Variants in ZSCAN25 observed in about 807,000 individuals in gnomAD.
ZSCAN25 encodes zinc finger and SCAN domain-containing protein 25.
ZSCAN25 carries 27 observed loss-of-function variants against 38.7 expected under a neutral mutation model. That is an observed-to-expected ratio of 0.70 (90% CI 0.51 to 0.96). The LOEUF (loss-of-function observed/expected upper bound fraction) is 0.96, where lower values mean the gene tolerates loss of function less well. Among genes scored for constraint, ZSCAN25 ranks in the 40% least tolerant of loss-of-function variants. The pLI is 0.00. For synonymous variants in ZSCAN25, 273 were observed against 277.7 expected, an observed-to-expected ratio of 0.98 and a Z score of 0.17; for missense variants, 637 against 705.9, an observed-to-expected ratio of 0.90 and a Z score of 1.11.
the ZSCAN25 span, chr7:99,659,814 C>G: frequency 6.6e-6 from 1 of 152,644 alleles, no homozygotes. Context: ...CCTTGCAGTT[C>G]GATCTCAGAC....
At position 99,617,011 on chromosome 7, in the gene ZSCAN25, C is replaced by G. The variant is rs1234040700; in HGVS notation, c.-264C>G. The stretch of plus-strand genomic sequence containing the variant: ...GCGGGTGAGAGGCCCTTCAGGGCCG[C>G]GGCGGGTGAGAGCCTCTTCAGGGCC... On this transcript the variant is annotated 5_prime_UTR_variant, in exon 1 of 8. Transcript: ENST00000394152. 6.6e-6 allele frequency: 1 copy of G among 152,248 alleles called. No homozygotes were observed. Among genetic ancestry groups the G allele is most frequent in the Non-Finnish European group, 1.5e-5 (1 of 68,076 alleles). 9.4% of individuals were successfully genotyped at this position (152,248 alleles called of 1,614,324 possible). A position where few individuals can be genotyped will look rare whatever the true frequency, so the allele number is the denominator to read the frequency against.
At chr7:99,627,846 A>G (rs1584364566) in intron 7 of ZSCAN25, among the ~76,000 whole-genome samples, 3 of 151,954 alleles carry the variant, frequency 2.0e-5, no homozygotes, top group East Asian at 3.9e-4. Flanking sequence ...CTGTATATGT[A>G]TAGTATATAT....
At chr7:99,727,724 C>T in the ZSCAN25 span, among the ~76,000 whole-genome samples, 1 of 152,210 alleles carries the variant, frequency 6.6e-6, no homozygotes, top group Non-Finnish European at 1.5e-5. Context: ...CTCTGCCCCC[C>T]TCCACTATCT....
chr7:99,699,782 G>T, the ZSCAN25 span, among the ~76,000 whole-genome samples: 1 of 152,152 alleles, frequency 6.6e-6, no homozygotes, highest in Non-Finnish European at 1.5e-5. Flanking sequence ...TGGGACAAAT[G>T]CTTATTTATT....
At position 99,631,522 on chromosome 7, in the gene ZSCAN25, C is replaced by G; in HGVS notation, c.*1502C>G. On this transcript the variant is annotated 3_prime_UTR_variant, in exon 8 of 8. Coordinates refer to ENST00000394152, the MANE Select transcript of ZSCAN25 (RefSeq NM_145115.3). ...ATTGTGCTGTGCCTTTGAACCCTGGCTGAGTGAGTGAGTTTGTCCTTTGTT... is the reference window on the plus strand; with the variant it reads ...ATTGTGCTGTGCCTTTGAACCCTGGGTGAGTGAGTGAGTTTGTCCTTTGTT... 1 of 985,484 alleles carries G rather than the reference C, an allele frequency of 1.0e-6. No homozygotes were observed. Among genetic ancestry groups the G allele is most frequent in the Non-Finnish European group, 1.2e-6 (1 of 829,942 alleles). 61.0% of individuals were successfully genotyped at this position (985,484 alleles called of 1,614,324 possible).
At chr7:99,660,519 C>G in the ZSCAN25 span, 1 of 1,612,966 alleles carries the variant, frequency 6.2e-7, no homozygotes, top group Non-Finnish European at 8.5e-7. Context: ...AAAACTGCAT[C>G]AATCTCCTTT....
the ZSCAN25 span, chr7:99,709,249 A>G: frequency 1.9e-6 from 3 of 1,613,706 alleles, no homozygotes; most frequent in African/African-American, 2.7e-5. Context: ...ACAGTATCAT[A>G]GGTGGGTGGT....
the ZSCAN25 span, chr7:99,717,672 A>T: frequency 2.5e-6 from 4 of 1,611,266 alleles, no homozygotes; most frequent in Non-Finnish European, 2.5e-6. Flanking sequence ...TTTGTCCTAC[A>T]TCAGTTGTGG....
the ZSCAN25 span, among the ~76,000 whole-genome samples, chr7:99,686,958 C>T: frequency 6.6e-6 from 1 of 152,356 alleles, no homozygotes; most frequent in South Asian, 2.1e-4. Flanking sequence ...AGACCTGCAG[C>T]TGAGGGTCCT....
the ZSCAN25 span, among the ~76,000 whole-genome samples, chr7:99,695,036 T>C: frequency 1.3e-5 from 2 of 152,062 alleles, no homozygotes; most frequent in Non-Finnish European, 2.9e-5. Flanking sequence ...GTTTGATAGA[T>C]AACCACTATC....
At chr7:99,662,786 C>A in the ZSCAN25 span, 1 of 1,598,406 alleles carries the variant, frequency 6.3e-7, no homozygotes, top group South Asian at 1.1e-5. The surrounding 1 kb of genome is among the most constrained non-coding windows in gnomAD (Gnocchi z 4.3). Context: ...GTGTCCCCGC[C>A]AGTAGCCCTC....
chr7:99,709,103 C>T, the ZSCAN25 span: 1 of 1,613,836 alleles, frequency 6.2e-7, no homozygotes, highest in Non-Finnish European at 8.5e-7. Flanking sequence ...AGCTTGGAAT[C>T]ATCACCACCA....
the ZSCAN25 span, among the ~76,000 whole-genome samples, chr7:99,654,900 A>G: frequency 6.6e-6 from 1 of 152,162 alleles, no homozygotes; most frequent in African/African-American, 2.4e-5. Context: ...GTCTGTTCAT[A>G]TCCTTCCCCC....
At chr7:99,700,672 C>T in the ZSCAN25 span, among the ~76,000 whole-genome samples, 1 of 152,150 alleles carries the variant, frequency 6.6e-6, no homozygotes, top group African/African-American at 2.4e-5. Flanking sequence ...TTTCCCTTAG[C>T]AGAGGTGAGT....
the ZSCAN25 span, among the ~76,000 whole-genome samples, chr7:99,708,734 A>G: frequency 5.9e-5 from 9 of 152,178 alleles, no homozygotes; most frequent in Non-Finnish European, 1.3e-4. Flanking sequence ...GTGGGACATA[A>G]TAATAGCATT....
At chr7:99,682,384 TC>T in the ZSCAN25 span, among the ~76,000 whole-genome samples, 1 of 152,266 alleles carries the variant, frequency 6.6e-6, no homozygotes. Context: ...GAAGAGACTG[TC>T]TTTTCCCCCA....
downstream of ZSCAN25, among the ~76,000 whole-genome samples, chr7:99,636,935 A>T (rs921594061): frequency 6.6e-6 from 1 of 152,244 alleles, no homozygotes; most frequent in Non-Finnish European, 1.5e-5. Flanking sequence ...TCAAGTCTAC[A>T]CATCATTCAT....
the ZSCAN25 span, chr7:99,660,439 A>G: frequency 6.6e-7 from 1 of 1,524,234 alleles, no homozygotes; most frequent in Admixed American, 2.2e-5. Context: ...GGGAGTGGTG[A>G]GGAGGCATTT....
chr7:99,646,807 C>CACACACAA, the ZSCAN25 span, among the ~76,000 whole-genome samples: 1 of 150,506 alleles, frequency 6.6e-6, no homozygotes, highest in African/African-American at 2.5e-5. Flanking sequence ...TACACACACA[C>CACACACAA]ACACACACAC....
Sources: allele counts gnomAD v4.1 joint callset (sites outside exome capture counted in the v4.1 genomes callset), GRCh38; gene constraint gnomAD v4.1.1; non-coding constraint Gnocchi (gnomAD v3.1); transcripts MANE v1.5; gene names NCBI Gene and HGNC (gene_info 2026-07-23, HGNC 2026-07-21).